ANKRD30B: variants seen among roughly 807,000 people sequenced by gnomAD.
ANKRD30B encodes ankyrin repeat domain-containing protein 30B.
A neutral mutation model predicts 202.2 loss-of-function variants in ANKRD30B; 144 were observed. The observed-to-expected ratio is 0.71, with a 90% CI of 0.62 to 0.82. The LOEUF (loss-of-function observed/expected upper bound fraction) is 0.82. Ranked by LOEUF, ANKRD30B falls within the 40% of genes least tolerant of loss-of-function variation. ANKRD30B has a pLI of 0.00. For synonymous variants in ANKRD30B, 508 were observed against 561.3 expected (o/e 0.91, Z 1.34); for missense variants, 1,487 against 1,669.1 (o/e 0.89, Z 1.90).
In ANKRD30B at chr18:14,773,658, GTTCT is replaced by G. The variant is rs1389596507; in HGVS notation, c.1329+1433_1329+1436del. 2.2e-3 allele frequency among the ~76,000 whole-genome samples: 253 copies of G among 115,698 alleles called. 1 individual carries two copies. The highest frequency in any genetic ancestry group is 8.9e-3 in the African/African-American group (244 of 27,508). The allele number at this position is 115,698 out of a possible 152,430, so 75.9% of individuals were successfully genotyped here. A position where few individuals can be genotyped will look rare whatever the true frequency, so the allele number is the denominator to read the frequency against. ...TAAAATAATTTTAATCTCAACTCAT[GTTCT>G]TTTTTTTTTTTTTGAGACAGAGTCT... On this transcript the variant is annotated intron_variant, in intron 9 of 43. Coordinates refer to ENST00000690538, the MANE Select transcript of ANKRD30B (RefSeq NM_001367607.2).
chr18:14,867,420 C>T, the ANKRD30B span, among the ~76,000 whole-genome samples: 2 of 151,844 alleles, frequency 1.3e-5, no homozygotes, highest in Non-Finnish European at 2.9e-5. Context: ...GGGCCCTTCT[C>T]CTCTTCCTGG....
the ANKRD30B span, among the ~76,000 whole-genome samples, chr18:14,918,902 G>A: frequency 6.6e-6 from 1 of 152,148 alleles, no homozygotes; most frequent in Non-Finnish European, 1.5e-5. Context: ...ATGTTGTTAT[G>A]AAAAGAGCTC....
chr18:14,798,140 T>C (rs1347758966), intron 20 of ANKRD30B, among the ~76,000 whole-genome samples: 5 of 150,794 alleles, frequency 3.3e-5, no homozygotes, highest in Non-Finnish European at 7.4e-5. Context: ...TGAGAAATAA[T>C]AGACACAGAC....
At chr18:14,852,591 C>T (rs117969873) in intron 42 of ANKRD30B, 171 bp downstream of exon 42, 13,691 of 901,536 alleles carry the variant, frequency 0.015, 173 homozygotes, top group Middle Eastern at 0.061. Context: ...AGCTAAGAGA[C>T]GTTTTACTTT....
the ANKRD30B span, among the ~76,000 whole-genome samples, chr18:14,901,731 A>G: frequency 6.6e-6 from 1 of 152,196 alleles, no homozygotes; most frequent in African/African-American, 2.4e-5. Flanking sequence ...GCATAACTTC[A>G]ATAAGAATTT....
chr18:14,856,542 C>T (rs1306804165), downstream of ANKRD30B, among the ~76,000 whole-genome samples: 12 of 129,600 alleles, frequency 9.3e-5, no homozygotes, highest in South Asian at 2.5e-4. Context: ...GATGGGCAGC[C>T]AGGCAGAGGC....
At chr18:14,777,858 G>C (rs1279931345) in intron 9 of ANKRD30B, 127 bp from the exon 10 acceptor site, 4 of 642,408 alleles carry the variant, frequency 6.2e-6, no homozygotes, top group Admixed American at 6.3e-5. Context: ...GAGGAGAATC[G>C]CTTGAACCTG....
At chr18:14,905,307 G>A in the ANKRD30B span, 1 of 152,192 alleles carries the variant, frequency 6.6e-6, no homozygotes, top group Non-Finnish European at 1.5e-5. Context: ...TCTTGCACAA[G>A]TCCAAGAGTC....
At chr18:14,881,155 C>T in the ANKRD30B span, among the ~76,000 whole-genome samples, 1 of 152,264 alleles carries the variant, frequency 6.6e-6, no homozygotes, top group South Asian at 2.1e-4. Context: ...GGTTCCTCAT[C>T]TTGCTCCAGT....
intron 9 of ANKRD30B, among the ~76,000 whole-genome samples, chr18:14,774,093 CT>C (rs1480539144): frequency 5.3e-5 from 8 of 152,052 alleles, no homozygotes; most frequent in African/African-American, 1.9e-4. Context: ...AATGTTCCCG[CT>C]TTTAGGTATT....
the ANKRD30B span, among the ~76,000 whole-genome samples, chr18:14,923,998 T>G: frequency 6.6e-6 from 1 of 152,178 alleles, no homozygotes; most frequent in Admixed American, 6.5e-5. Flanking sequence ...AAACTCTCCA[T>G]GTACTCTGTG....
chr18:14,843,172 T>C (rs1971492296), intron 39 of ANKRD30B, 76 bp downstream of exon 39: 1 of 1,332,894 alleles, frequency 7.5e-7, no homozygotes, highest in African/African-American at 1.5e-5. Context: ...CTCCCCAATG[T>C]TTATTTTTCA....
intron 37 of ANKRD30B, among the ~76,000 whole-genome samples, chr18:14,842,530 C>A (rs2747367): frequency 2.2e-3 from 337 of 151,632 alleles, no homozygotes; most frequent in African/African-American, 7.7e-3. Context: ...GAATATATGG[C>A]GTAGGATTCT....
chr18:14,879,046 C>A, the ANKRD30B span, among the ~76,000 whole-genome samples: 1 of 152,098 alleles, frequency 6.6e-6, no homozygotes, highest in Non-Finnish European at 1.5e-5. Flanking sequence ...CGCGAGGGTG[C>A]AGCTGCGTTC....
the ANKRD30B span, among the ~76,000 whole-genome samples, chr18:14,901,048 G>GC: frequency 6.6e-6 from 1 of 152,190 alleles, no homozygotes; most frequent in Non-Finnish European, 1.5e-5. Flanking sequence ...AACTCCAGGA[G>GC]CCTATTTTTT....
At chr18:14,783,021 T>A (rs571171828) in intron 12 of ANKRD30B, among the ~76,000 whole-genome samples, 48 of 152,160 alleles carry the variant, frequency 3.2e-4, no homozygotes, top group Non-Finnish European at 5.4e-4. Flanking sequence ...GGCAAGAATA[T>A]AAAATGATCT....
In ANKRD30B at chr18:14,810,198, A is replaced by T; in HGVS notation, c.2488+18A>T. 7.7e-7 allele frequency: 1 copy of T among 1,298,002 alleles called. No homozygotes were observed. The highest frequency in any genetic ancestry group is 2.3e-5 in the Admixed American group (1 of 42,730). The allele number at this position is 1,298,002 out of a possible 1,614,324, so 80.4% of individuals were successfully genotyped here. A position where few individuals can be genotyped will look rare whatever the true frequency, so the allele number is the denominator to read the frequency against. Reference sequence around the variant, plus strand: ...AAAAGCAGGTAAACTTTGTAATTTAAATTTTACTCTGGAATTAAGAATATT... The same window carrying T: ...AAAAGCAGGTAAACTTTGTAATTTATATTTTACTCTGGAATTAAGAATATT... On this transcript the variant is annotated intron_variant, in intron 28 of 43. Coordinates refer to ENST00000690538, the MANE Select transcript of ANKRD30B (RefSeq NM_001367607.2).
chr18:14,874,508 G>GT, the ANKRD30B span, among the ~76,000 whole-genome samples: 1 of 151,874 alleles, frequency 6.6e-6, no homozygotes, highest in Non-Finnish European at 1.5e-5. Context: ...AATTAATGAT[G>GT]TTTTCATAAC....
intron 15 of ANKRD30B, among the ~76,000 whole-genome samples, chr18:14,790,326 C>T (rs1376113332): frequency 6.6e-6 from 1 of 152,122 alleles, no homozygotes; most frequent in Non-Finnish European, 1.5e-5. Flanking sequence ...ACAATCATGT[C>T]ATCTGCAAAT....
Sources: gnomAD v4.1 joint callset for allele counts (sites outside exome capture counted in the v4.1 genomes callset) on GRCh38, gnomAD v4.1.1 for gene constraint, MANE v1.5 for transcripts, NCBI Gene and HGNC (gene_info 2026-07-23, HGNC 2026-07-21) for gene names.